Variants in BMP6 observed in about 807,000 individuals in gnomAD.
BMP6 encodes the protein VG-1-R.
In BMP6, 17 loss-of-function variants were observed where a neutral mutation model predicts 54.1. The ratio of observed to expected loss-of-function variants is 0.31; its 90% CI spans 0.22 to 0.47. The LOEUF is 0.47. Among genes scored for constraint, BMP6 ranks in the 20% least tolerant of loss-of-function variants. BMP6 has a pLI of 1.00. For missense variants in BMP6, 720 were observed against 690.4 expected, an observed-to-expected ratio of 1.04 and a Z score of -0.48; for synonymous variants, 328 against 291.2, an observed-to-expected ratio of 1.13 and a Z score of -1.28.
intron 1 of BMP6, among the ~76,000 whole-genome samples, chr6:7,727,871 T>G (rs1761773270): frequency 6.6e-6 from 1 of 151,150 alleles, no homozygotes. Flanking sequence ...GCCGCGGGGC[T>G]CCGGGAGCGC....
At chr6:7,820,895 CTT>C (rs1056172878) in intron 1 of BMP6, among the ~76,000 whole-genome samples, 33 of 152,302 alleles carry the variant, frequency 2.2e-4, no homozygotes, top group African/African-American at 7.7e-4. Flanking sequence ...ATCTAGATCG[CTT>C]GTGTGCCCGG....
In BMP6 at chr6:7,813,672, C is replaced by A. The variant is rs192003824; in HGVS notation, c.665-31468C>A. Among the ~76,000 whole-genome samples, 35 of 83,640 alleles carry A rather than the reference C, an allele frequency of 4.2e-4. 11 individuals are homozygous for A. Among genetic ancestry groups the A allele is most frequent in the Non-Finnish European group, 5.4e-4 (23 of 42,952 alleles). The allele number at this position is 83,640 out of a possible 152,430, so 54.9% of individuals were successfully genotyped here. On this transcript the variant is annotated intron_variant, in intron 1 of 6. Coordinates refer to ENST00000283147, the MANE Select transcript of BMP6 (RefSeq NM_001718.6). ...AAAAAAAAAAAAAAAAAAAAAAACC[C>A]ACCAAACCCAGTATAGAAAATATAT...
At chr6:7,843,268 TAAA>T (rs58011920) in intron 1 of BMP6, among the ~76,000 whole-genome samples, 2 of 140,674 alleles carry the variant, frequency 1.4e-5, no homozygotes, top group African/African-American at 5.2e-5. Flanking sequence ...ACCCTCAAAA[TAAA>T]AAAAAAAAAG....
At chr6:7,853,233 A>C (rs1466202271) in intron 2 of BMP6, among the ~76,000 whole-genome samples, 1 of 151,998 alleles carries the variant, frequency 6.6e-6, no homozygotes, top group Non-Finnish European at 1.5e-5. Context: ...TATTTTTTTT[A>C]GTGGGAATGT....
In BMP6 at chr6:7,726,704, G is replaced by C. The variant is rs555360860; in HGVS notation, c.-252G>C. 1 of 172,644 alleles carries C rather than the reference G, an allele frequency of 5.8e-6. No individual in the cohort carries two copies. The highest frequency in any genetic ancestry group is 2.4e-5 in the African/African-American group (1 of 41,886). The allele number at this position is 172,644 out of a possible 1,614,324, so 10.7% of individuals were successfully genotyped here. A position where few individuals can be genotyped will look rare whatever the true frequency, so the allele number is the denominator to read the frequency against. On this transcript the variant is annotated 5_prime_UTR_variant, in exon 1 of 7. Transcript: ENST00000283147. ...GCGCGCCTCTAGAGACCTGCGCGAGGCTGTGAGGCTCCCCTTCCTCCCCTC... is the reference window on the plus strand; with the variant it reads ...GCGCGCCTCTAGAGACCTGCGCGAGCCTGTGAGGCTCCCCTTCCTCCCCTC...
chr6:7,874,317 C>T (rs192560449), intron 4 of BMP6, among the ~76,000 whole-genome samples: 146 of 152,300 alleles, frequency 9.6e-4, no homozygotes, highest in African/African-American at 2.7e-3. Flanking sequence ...ACATCACAGC[C>T]GCCACATGGT....
rs755548784 is a variant in BMP6, at chr6:7,726,425, G to A, written c.-531G>A. 2.8e-4 allele frequency among the ~76,000 whole-genome samples: 43 copies of A among 152,164 alleles called. No homozygotes were observed. The highest frequency in any genetic ancestry group is 3.7e-4 in the Non-Finnish European group (25 of 68,024). On this transcript the variant is annotated 5_prime_UTR_variant, in exon 1 of 7. Coordinates refer to ENST00000283147, the MANE Select transcript of BMP6 (RefSeq NM_001718.6). ...GGGACGCCTTGTCGCCGCAGCCTGG[G>A]CCCTGCAACGGGGTAAACTTCATGG...
At chr6:7,754,015 C>CTG (rs1209773736) in intron 1 of BMP6, among the ~76,000 whole-genome samples, 5 of 152,162 alleles carry the variant, frequency 3.3e-5, no homozygotes, top group African/African-American at 1.2e-4. Context: ...TGGATGCTTC[C>CTG]TGTGCCCTTC....
chr6:7,881,519 T>C lies in BMP6; in HGVS notation c.*1176T>C, dbSNP rs1039401782. 1 of 152,120 alleles carries C rather than the reference T, an allele frequency of 6.6e-6. No individual in the cohort carries two copies. Among genetic ancestry groups the C allele is most frequent in the Non-Finnish European group, 1.5e-5 (1 of 67,914 alleles). 9.4% of individuals were successfully genotyped at this position (152,120 alleles called of 1,614,324 possible). ...TAACATTGAAGGAAAGACCAGACTT[T>C]TAAAAAAAAAGAGTTTATTTAGAAA... On this transcript the variant is annotated 3_prime_UTR_variant, in exon 7 of 7. Coordinates refer to ENST00000283147, the MANE Select transcript of BMP6 (RefSeq NM_001718.6).
rs186131411 is a variant in BMP6, at chr6:7,740,223, A to G, written c.664+12604A>G. ...GGTTCAGAAAGTCAGATGCATCTGC[A>G]GAGATGTCCCCCAGCTGTGAGTGCC... On this transcript the variant is annotated intron_variant, in intron 1 of 6. Coordinates refer to ENST00000283147, the MANE Select transcript of BMP6 (RefSeq NM_001718.6). Among the ~76,000 whole-genome samples the G allele has an allele frequency of 1.6e-4, 25 of 152,280 alleles. No individual in the cohort carries two copies. The East Asian group carries it at 4.8e-3, about 29-fold the overall frequency.
At chr6:7,874,835 C>T (rs1269317942) in intron 4 of BMP6, among the ~76,000 whole-genome samples, 2 of 152,192 alleles carry the variant, frequency 1.3e-5, no homozygotes, top group Non-Finnish European at 2.9e-5. Flanking sequence ...ACCCTGTACT[C>T]TCTATGCCCT....
At position 7,880,390 on chromosome 6, in the gene BMP6, A is replaced by G. The variant is rs1300711289; in HGVS notation, c.*47A>G. ...CACACATTCTGCCTTGGATTCCTAG[A>G]TTACATCTGCCTTAAAAAAACACGG... On this transcript the variant is annotated 3_prime_UTR_variant, in exon 7 of 7. Coordinates refer to ENST00000283147, the MANE Select transcript of BMP6 (RefSeq NM_001718.6). 4.4e-6 allele frequency: 7 copies of G among 1,608,288 alleles called. No homozygotes were observed. The highest frequency in any genetic ancestry group is 6.0e-6 in the Non-Finnish European group (7 of 1,175,696).
chr6:7,809,346 C>A (rs767591924), intron 1 of BMP6, among the ~76,000 whole-genome samples: 11 of 152,138 alleles, frequency 7.2e-5, no homozygotes, highest in Non-Finnish European at 1.6e-4. Flanking sequence ...GGTGTCCAAA[C>A]CTTATTTATA....
chr6:7,727,581 T>C lies in BMP6; in HGVS notation c.626T>C (p.Leu209Pro), dbSNP rs751525583. 25 of 1,581,116 alleles carry C rather than the reference T, an allele frequency of 1.6e-5. No homozygotes were observed. The East Asian group carries it at 3.8e-4, about 24-fold the overall frequency. Residue 209 changes from leucine to proline, a missense_variant, in exon 1 of 7, where the codon CTC (leucine) becomes CCC (proline). By Grantham distance (98) the Leu-to-Pro change is moderately conservative. This residue lies in a region of BMP6 where 650 missense variants were observed against 556.3 expected (regional missense o/e 1.17). Transcript: ENST00000283147. ...PLTSAQDSAF[L>P]NDADMVMSFV... ...ACCAGCGCGCAGGACAGCGCCTTCC[T>C]CAACGACGCGGACATGGTCATGAGC...
chr6:7,875,916 T>TC lies in BMP6; in HGVS notation c.1205-3158_1205-3157insC, dbSNP rs1561799215. 3.9e-5 allele frequency among the ~76,000 whole-genome samples: 6 copies of TC among 152,342 alleles called. No individual in the cohort carries two copies. The South Asian group carries it at 1.2e-3, about 32-fold the overall frequency. ...TGTGGTCATCACCCTAGACACTGGC[T>TC]GCCGTACTACCCATTCTTGATGTCA... On this transcript the variant is annotated intron_variant, in intron 4 of 6. Coordinates refer to ENST00000283147, the MANE Select transcript of BMP6 (RefSeq NM_001718.6).
At chr6:7,757,242 A>G (rs1757529644) in intron 1 of BMP6, among the ~76,000 whole-genome samples, 1 of 152,212 alleles carries the variant, frequency 6.6e-6, no homozygotes, top group Non-Finnish European at 1.5e-5. Flanking sequence ...TTAAACAACA[A>G]AGTTTATTCT....
intron 2 of BMP6, among the ~76,000 whole-genome samples, 194 bp from the exon 3 acceptor site, chr6:7,861,255 GTC>G (rs771880443): frequency 2.2e-4 from 34 of 152,248 alleles, no homozygotes; most frequent in Non-Finnish European, 4.4e-4. Context: ...AGATGTGCCT[GTC>G]TCTCCTAATT....
chr6:7,804,571 C>G (rs1407883674), intron 1 of BMP6, among the ~76,000 whole-genome samples: 13 of 152,120 alleles, frequency 8.5e-5, no homozygotes, highest in African/African-American at 3.1e-4. Flanking sequence ...ATTTTAGAAC[C>G]CGAAGACACA....
chr6:7,768,909 C>T (rs1757736179), intron 1 of BMP6, among the ~76,000 whole-genome samples: 2 of 152,188 alleles, frequency 1.3e-5, no homozygotes, highest in Non-Finnish European at 2.9e-5. Context: ...TTTTCTACCA[C>T]TTTATGAACT....
Sources: allele counts gnomAD v4.1 joint callset (sites outside exome capture counted in the v4.1 genomes callset), GRCh38; gene constraint gnomAD v4.1.1; regional missense constraint gnomAD v4.1.1; transcripts MANE v1.5; gene names NCBI Gene and HGNC (gene_info 2026-07-23, HGNC 2026-07-21).